The following TXNDC12 variants were observed in gnomAD, a reference collection of about 807,000 sequenced individuals.
The protein encoded by TXNDC12 is thioredoxin domain-containing protein 12.
A neutral mutation model predicts 24.2 loss-of-function variants in TXNDC12; 22 were observed. That is an observed-to-expected ratio of 0.91 (90% CI 0.65 to 1.30). The LOEUF (loss-of-function observed/expected upper bound fraction) is 1.30. Ranked by LOEUF, TXNDC12 falls within the 50% of genes most tolerant of loss-of-function variation. The pLI is 0.00. For synonymous variants in TXNDC12, 58 were observed against 73.4 expected (o/e 0.79, Z 1.07); for missense variants, 184 against 205.8 (o/e 0.89, Z 0.65).
At chr1:52,045,121 C>T (rs938339011) in intron 1 of TXNDC12, among the ~76,000 whole-genome samples, 1 of 152,028 alleles carries the variant, frequency 6.6e-6, no homozygotes, top group African/African-American at 2.4e-5. Flanking sequence ...CATTGAAGAA[C>T]CTTAAACATA....
At chr1:52,027,660 T>C (rs953073309) in intron 3 of TXNDC12, among the ~76,000 whole-genome samples, 2 of 151,588 alleles carry the variant, frequency 1.3e-5, no homozygotes, top group African/African-American at 4.8e-5. Context: ...CAAAAACCAT[T>C]GACATGAAAG....
chr1:52,026,268 A>G (rs1255836029), intron 4 of TXNDC12, among the ~76,000 whole-genome samples: 1 of 152,182 alleles, frequency 6.6e-6, no homozygotes, highest in Admixed American at 6.5e-5. Context: ...ATTAGGCTCT[A>G]TGACCTTGAC....
At position 52,023,532 on chromosome 1, in the gene TXNDC12, C is replaced by T. The variant is rs1685630898; in HGVS notation, c.398G>A (p.Gly133Glu). The T allele has an allele frequency of 6.2e-7, 1 of 1,614,008 alleles. No homozygotes were observed. The highest frequency in any genetic ancestry group is 8.5e-7 in the Non-Finnish European group (1 of 1,179,998). ...ATAAAAATACTTGTAGCTGGGGTTT[C>T]CATTCTCATTGATGATTTCAGGATG... is the stretch of plus-strand genomic sequence containing the variant. ...KVHPEIINEN[G>E]NPSYKYFYVS... The change falls in exon 6 of 7, where the codon GGA (glycine) becomes GAA (glutamate). Residue 133 changes from glycine (G) to glutamate (E), a missense_variant. Physicochemically the swap from Gly to Glu is moderately conservative, Grantham distance 98. Coordinates refer to ENST00000371626, the MANE Select transcript of TXNDC12 (RefSeq NM_015913.4).
At chr1:52,049,945 A>G (rs531814993) in intron 1 of TXNDC12, among the ~76,000 whole-genome samples, 1 of 152,330 alleles carries the variant, frequency 6.6e-6, no homozygotes, top group African/African-American at 2.4e-5. Context: ...GTGTTAACTT[A>G]TTTAATCTTC....
At chr1:52,030,613 G>C (rs965098251) in intron 2 of TXNDC12, 3 of 152,168 alleles carry the variant, frequency 2.0e-5, no homozygotes, top group African/African-American at 7.2e-5. Context: ...CATCAACCAA[G>C]GCAGCCCATC....
chr1:52,027,397 A>G, intron 3 of TXNDC12, 49 bp from the exon 4 acceptor site: 1 of 1,324,862 alleles, frequency 7.5e-7, no homozygotes, highest in South Asian at 1.2e-5. Flanking sequence ...CATTGTCACA[A>G]CTAAACCTTA....
intron 1 of TXNDC12, among the ~76,000 whole-genome samples, chr1:52,048,923 G>A (rs543184435): frequency 7.9e-5 from 12 of 152,140 alleles, no homozygotes; most frequent in African/African-American, 2.4e-4. Flanking sequence ...TCAGAAGCTA[G>A]GTGTCAAACC....
Position 52,049,159 on chromosome 1 carries a change from C to T in TXNDC12, c.97+5841G>A, listed in dbSNP as rs188554945. 2.6e-5 allele frequency among the ~76,000 whole-genome samples: 4 copies of T among 152,230 alleles called. No individual in the cohort carries two copies. In the East Asian group the frequency reaches 7.7e-4, roughly 29 times the overall value. On this transcript the variant is annotated intron_variant, in intron 1 of 6. Transcript: ENST00000371626. ...GTCTAACCCTCTTATTTTACTGAGGCCTAGAAAAGAAGTTATCCAACACTC... is the reference window on the plus strand; with the variant it reads ...GTCTAACCCTCTTATTTTACTGAGGTCTAGAAAAGAAGTTATCCAACACTC...
chr1:52,051,380 TA>T (rs66942390), intron 1 of TXNDC12, among the ~76,000 whole-genome samples: 5,375 of 152,060 alleles, frequency 0.035, 116 homozygotes, highest in African/African-American at 0.042. Context: ...CTAATTTATT[TA>T]TTTATTTTTT....
chr1:52,055,589 T>C, upstream of TXNDC12: 1 of 164,290 alleles, frequency 6.1e-6, no homozygotes, highest in Non-Finnish European at 1.3e-5. Context: ...CCTCCACAAA[T>C]CAAGACTGGA....
chr1:52,049,120 A>G (rs999668578), intron 1 of TXNDC12, among the ~76,000 whole-genome samples: 2 of 152,146 alleles, frequency 1.3e-5, no homozygotes, highest in Non-Finnish European at 2.9e-5. Flanking sequence ...AAGAGTCACA[A>G]CACTAGAGAT....
chr1:52,045,493 A>G (rs554631362), intron 1 of TXNDC12, among the ~76,000 whole-genome samples: 1 of 152,346 alleles, frequency 6.6e-6, no homozygotes, highest in South Asian at 2.1e-4. Context: ...GATCATGTGA[A>G]GACATAGAAG....
intron 2 of TXNDC12, 87 bp downstream of exon 2, chr1:52,041,450 G>T: frequency 1.2e-6 from 1 of 826,218 alleles, no homozygotes; most frequent in Non-Finnish European, 2.0e-6. Flanking sequence ...GCTCTGCCTT[G>T]GTATAGCCCT....
chr1:52,049,607 C>T (rs1157341495), intron 1 of TXNDC12, among the ~76,000 whole-genome samples: 1 of 152,112 alleles, frequency 6.6e-6, no homozygotes, highest in Non-Finnish European at 1.5e-5. Context: ...AAATAGTCTA[C>T]TGCATGTACA....
intron 2 of TXNDC12, among the ~76,000 whole-genome samples, chr1:52,037,819 C>T (rs947465465): frequency 1.3e-5 from 2 of 152,136 alleles, no homozygotes; most frequent in African/African-American, 4.8e-5. Context: ...CTCTGGTAAT[C>T]GTCCCACCTC....
chr1:52,032,979 C>A (rs752332612), intron 2 of TXNDC12: 3 of 1,568,320 alleles, frequency 1.9e-6, no homozygotes, highest in African/African-American at 1.4e-5. Flanking sequence ...GGGGCTGGGA[C>A]TGCGTAGACT....
At chr1:52,025,876 C>A (rs1007454067) in intron 4 of TXNDC12, among the ~76,000 whole-genome samples, 5 of 150,732 alleles carry the variant, frequency 3.3e-5, no homozygotes, top group African/African-American at 1.2e-4. Context: ...CTCACCCAGG[C>A]TGGAGTGCAG....
chr1:52,036,276 A>C (rs1351009203), intron 2 of TXNDC12, among the ~76,000 whole-genome samples: 1 of 152,238 alleles, frequency 6.6e-6, no homozygotes, highest in Non-Finnish European at 1.5e-5. Context: ...TCTTACAATA[A>C]AGTAAACTAG....
chr1:52,026,293 G>C (rs902369174), intron 4 of TXNDC12, among the ~76,000 whole-genome samples: 1 of 152,120 alleles, frequency 6.6e-6, no homozygotes, highest in South Asian at 2.1e-4. Flanking sequence ...TCACATACCT[G>C]CTTCAGGCCT....
Sources: allele counts gnomAD v4.1 joint callset (sites outside exome capture counted in the v4.1 genomes callset), GRCh38; gene constraint gnomAD v4.1.1; transcripts MANE v1.5; gene names NCBI Gene and HGNC (gene_info 2026-07-23, HGNC 2026-07-21).